Variants in IGF1R observed in about 807,000 individuals in gnomAD.
IGF1R encodes insulin like growth factor 1 receptor.
Under a neutral mutation model 144.6 loss-of-function variants are expected in IGF1R, and 44 were observed. The observed-to-expected ratio is 0.30, with a 90% CI of 0.24 to 0.39. The LOEUF is 0.39. Ranked by LOEUF, IGF1R falls within the 10% of genes least tolerant of loss-of-function variation. The probability of loss-of-function intolerance (pLI) is 1.00; values close to 1 mark genes in which losing one functional copy is unlikely to be tolerated. For missense variants in IGF1R, 1,355 were observed against 1,833.7 expected (o/e 0.74, Z 4.77); for synonymous variants, 795 against 722.8 (o/e 1.10, Z -1.60).
chr15:98,693,734 T>C (rs1258474422), intron 1 of IGF1R, among the ~76,000 whole-genome samples: 1 of 152,188 alleles, frequency 6.6e-6, no homozygotes. Flanking sequence ...GCCTTCTGAG[T>C]AGCTGGGACT....
At chr15:98,824,460 G>A (rs1221721256) in intron 2 of IGF1R, among the ~76,000 whole-genome samples, 1 of 152,026 alleles carries the variant, frequency 6.6e-6, no homozygotes, top group Non-Finnish European at 1.5e-5. Context: ...TAAATAACTC[G>A]TTTAGGTAAG....
chr15:98,829,557 C>T (rs766760833), intron 2 of IGF1R, among the ~76,000 whole-genome samples: 1 of 152,132 alleles, frequency 6.6e-6, no homozygotes, highest in Non-Finnish European at 1.5e-5. Context: ...TGCTTTGCTT[C>T]GTTTTGTGGA....
chr15:98,910,035 C>G (rs919415217), intron 6 of IGF1R, among the ~76,000 whole-genome samples: 1 of 152,138 alleles, frequency 6.6e-6, no homozygotes, highest in Non-Finnish European at 1.5e-5. Flanking sequence ...CAGACAGACA[C>G]ACATGCAGGG....
intron 2 of IGF1R, among the ~76,000 whole-genome samples, chr15:98,834,640 T>C (rs759365786): frequency 6.6e-6 from 1 of 152,194 alleles, no homozygotes; most frequent in Non-Finnish European, 1.5e-5. Context: ...TGGGAATCTC[T>C]CTGAGAATCC....
intron 1 of IGF1R, among the ~76,000 whole-genome samples, chr15:98,661,331 A>T (rs1305765721): frequency 6.6e-6 from 1 of 152,076 alleles, no homozygotes; most frequent in East Asian, 1.9e-4. Context: ...CCAGCTCCCG[A>T]CCTCTGGACA....
chr15:98,747,531 C>T (rs991202897), intron 2 of IGF1R, among the ~76,000 whole-genome samples: 5 of 152,072 alleles, frequency 3.3e-5, no homozygotes, highest in Non-Finnish European at 5.9e-5. Context: ...ATTTTTGGTG[C>T]CAAGTCGATT....
chr15:98,774,852 A>G (rs1432847565), intron 2 of IGF1R, among the ~76,000 whole-genome samples: 1 of 152,182 alleles, frequency 6.6e-6, no homozygotes, highest in African/African-American at 2.4e-5. Flanking sequence ...ACATTTTGTT[A>G]TGGATATTTT....
Position 98,845,117 on chromosome 15 carries a change from C to A in IGF1R, c.641-46208C>A, listed in dbSNP as rs566276518. Among the ~76,000 whole-genome samples, 9 of 152,212 alleles carry A rather than the reference C, an allele frequency of 5.9e-5. No homozygotes were observed. In the East Asian group the frequency reaches 1.7e-3, roughly 29 times the overall value. On this transcript the variant is annotated intron_variant, in intron 2 of 20. Coordinates refer to ENST00000650285, the MANE Select transcript of IGF1R (RefSeq NM_000875.5). ...AAAACTTAGCAAACTCTTCTTGTACCTTGTATTCAGTAGACGGTCAGTAGC... is the reference window on the plus strand; with the variant it reads ...AAAACTTAGCAAACTCTTCTTGTACATTGTATTCAGTAGACGGTCAGTAGC...
At chr15:98,701,323 C>G (rs2053726041) in intron 1 of IGF1R, among the ~76,000 whole-genome samples, 1 of 107,490 alleles carries the variant, frequency 9.3e-6, no homozygotes, top group Non-Finnish European at 1.8e-5. Context: ...AAGCCTATCT[C>G]ATTTTTTTTT....
At chr15:98,921,135 G>A (rs557793321) in intron 10 of IGF1R, among the ~76,000 whole-genome samples, 15 of 152,300 alleles carry the variant, frequency 9.8e-5, no homozygotes, top group South Asian at 6.2e-4. Flanking sequence ...GACCCCAGCC[G>A]AAGGCCTCAG....
intron 19 of IGF1R, among the ~76,000 whole-genome samples, chr15:98,943,716 A>G (rs2151720019): frequency 6.6e-6 from 1 of 152,350 alleles, no homozygotes; most frequent in South Asian, 2.1e-4. Flanking sequence ...AACTGAGGTT[A>G]TTGGCAGGCT....
At chr15:98,658,198 T>C (rs2052528450) in intron 1 of IGF1R, among the ~76,000 whole-genome samples, 1 of 152,202 alleles carries the variant, frequency 6.6e-6, no homozygotes. Flanking sequence ...TCTTCAAGTT[T>C]TTGCTTCTGC....
chr15:98,659,342 C>G (rs545517369), intron 1 of IGF1R, among the ~76,000 whole-genome samples: 5 of 152,078 alleles, frequency 3.3e-5, no homozygotes, highest in African/African-American at 4.8e-5. Flanking sequence ...TTGTCAATTT[C>G]TGCTCACACC....
intron 13 of IGF1R, among the ~76,000 whole-genome samples, chr15:98,926,133 T>C (rs527920656): frequency 6.6e-6 from 1 of 152,230 alleles, no homozygotes; most frequent in East Asian, 1.9e-4. Flanking sequence ...AATACTATTC[T>C]ACCATAAATT....
intron 2 of IGF1R, among the ~76,000 whole-genome samples, chr15:98,825,588 T>C (rs2056879311): frequency 1.3e-5 from 2 of 152,282 alleles, no homozygotes; most frequent in African/African-American, 4.8e-5. Context: ...CAGTAATGCC[T>C]GATGATCTGA....
At chr15:98,893,488 T>C (rs1009339099) in intron 3 of IGF1R, 1 of 152,204 alleles carries the variant, frequency 6.6e-6, no homozygotes, top group African/African-American at 2.4e-5. Context: ...AGCCTTCGAG[T>C]GTAAAAGGGC....
chr15:98,710,661 TTTTA>T (rs2053970883), intron 2 of IGF1R, among the ~76,000 whole-genome samples: 1 of 145,580 alleles, frequency 6.9e-6, no homozygotes, highest in African/African-American at 2.5e-5. Flanking sequence ...CCTGTTTCCT[TTTTA>T]TTCTTTTTTT....
intron 2 of IGF1R, among the ~76,000 whole-genome samples, chr15:98,819,642 A>G (rs1006109360): frequency 6.6e-6 from 1 of 152,226 alleles, no homozygotes; most frequent in Non-Finnish European, 1.5e-5. Context: ...CAGACAGGCT[A>G]GGACAAACGC....
chr15:98,936,805 A>G (rs1203176988), intron 17 of IGF1R, among the ~76,000 whole-genome samples: 1 of 152,076 alleles, frequency 6.6e-6, no homozygotes, highest in Non-Finnish European at 1.5e-5. Context: ...TGTTCTGCCA[A>G]GCATTGGTCC....
Sources: allele counts gnomAD v4.1 joint callset (sites outside exome capture counted in the v4.1 genomes callset), GRCh38; gene constraint gnomAD v4.1.1; transcripts MANE v1.5; gene names NCBI Gene and HGNC (gene_info 2026-07-23, HGNC 2026-07-21).